The following DGKH variants were observed in gnomAD, a reference collection of about 807,000 sequenced individuals.
DGKH encodes the protein DAG kinase eta.
In DGKH, 90 loss-of-function variants were observed where a neutral mutation model predicts 159.3. The ratio of observed to expected loss-of-function variants is 0.57; its 90% CI spans 0.48 to 0.67. The LOEUF is 0.67. Among genes scored for constraint, DGKH ranks in the 30% least tolerant of loss-of-function variants. The pLI is 0.00. For synonymous variants in DGKH, 536 were observed against 553.8 expected (o/e 0.97, Z 0.45); for missense variants, 1,181 against 1,506.1 (o/e 0.78, Z 3.57).
chr13:42,040,313 C>A (rs925855098), intron 1 of DGKH, among the ~76,000 whole-genome samples: 3 of 152,108 alleles, frequency 2.0e-5, no homozygotes, highest in Admixed American at 2.0e-4. Flanking sequence ...AGCGCGGTGG[C>A]CAGCCTAGCC....
At chr13:42,072,235 C>T (rs955368811) in intron 1 of DGKH, among the ~76,000 whole-genome samples, 5 of 152,294 alleles carry the variant, frequency 3.3e-5, no homozygotes, top group Admixed American at 1.3e-4. Context: ...AGATCATGGA[C>T]TTTGTGTTTT....
intron 20 of DGKH, among the ~76,000 whole-genome samples, chr13:42,202,635 A>G (rs1481359032): frequency 6.6e-6 from 1 of 152,198 alleles, no homozygotes; most frequent in Non-Finnish European, 1.5e-5. Flanking sequence ...ACAAATGCAA[A>G]CTTTGTTTCC....
intron 7 of DGKH, among the ~76,000 whole-genome samples, chr13:42,164,020 A>T (rs529690434): frequency 6.6e-6 from 1 of 152,260 alleles, no homozygotes; most frequent in East Asian, 1.9e-4. Flanking sequence ...TCTTTAATCC[A>T]TCTTGAATTG....
intron 1 of DGKH, among the ~76,000 whole-genome samples, chr13:42,073,148 A>G (rs1004751332): frequency 3.9e-5 from 6 of 152,224 alleles, no homozygotes; most frequent in Non-Finnish European, 7.3e-5. Flanking sequence ...GATAATGTTC[A>G]TCCTTCTCTT....
intron 29 of DGKH, chr13:42,225,436 G>T (rs1037627446): frequency 4.5e-6 from 5 of 1,107,482 alleles, no homozygotes; most frequent in Middle Eastern, 2.3e-4. Context: ...AGCATGCTTT[G>T]TCAAAATTTG....
intron 29 of DGKH, among the ~76,000 whole-genome samples, chr13:42,222,534 T>G (rs763843899): frequency 1.3e-5 from 2 of 152,172 alleles, no homozygotes; most frequent in Admixed American, 6.5e-5. Flanking sequence ...TAGCAAAATA[T>G]GTAGTATTAG....
At chr13:42,096,238 T>A (rs1176682359) in intron 1 of DGKH, among the ~76,000 whole-genome samples, 1 of 151,852 alleles carries the variant, frequency 6.6e-6, no homozygotes, top group Non-Finnish European at 1.5e-5. Context: ...TTTTAACCCC[T>A]CCCCACCTGC....
At chr13:42,081,157 A>G (rs1473435434) in intron 1 of DGKH, among the ~76,000 whole-genome samples, 2 of 152,042 alleles carry the variant, frequency 1.3e-5, no homozygotes, top group African/African-American at 2.4e-5. Context: ...GAATTTTCCA[A>G]TTTTATCGTT....
At chr13:42,059,905 C>CTTTTT (rs11357293) in intron 1 of DGKH, among the ~76,000 whole-genome samples, 5 of 139,836 alleles carry the variant, frequency 3.6e-5, no homozygotes, top group Non-Finnish European at 6.1e-5. Context: ...TCTCTTTTTT[C>CTTTTT]TTTTTTTTTT....
At chr13:42,063,542 ACCCTTT>A (rs1882336684) in intron 1 of DGKH, among the ~76,000 whole-genome samples, 1 of 152,212 alleles carries the variant, frequency 6.6e-6, no homozygotes, top group Admixed American at 6.5e-5. Flanking sequence ...TCTAAAACAA[ACCCTTT>A]AAACGAGAGG....
At chr13:42,090,547 A>G (rs1322219296) in intron 1 of DGKH, among the ~76,000 whole-genome samples, 2 of 152,240 alleles carry the variant, frequency 1.3e-5, no homozygotes, top group Non-Finnish European at 2.9e-5. Flanking sequence ...AAAGACAGAC[A>G]TATAGACGAG....
At chr13:42,108,074 A>G (rs766560661) in intron 1 of DGKH, among the ~76,000 whole-genome samples, 15 of 152,278 alleles carry the variant, frequency 9.9e-5, no homozygotes, top group Non-Finnish European at 1.3e-4. Context: ...GCCAAACTTC[A>G]AGAGGAATCA....
intron 1 of DGKH, among the ~76,000 whole-genome samples, chr13:42,067,708 A>AT (rs1882678571): frequency 3.3e-5 from 5 of 151,630 alleles, no homozygotes; most frequent in African/African-American, 1.2e-4. Context: ...TTAATTAATT[A>AT]ATTTTTTTTT....
At chr13:42,163,644 G>T (rs1014819553) in intron 7 of DGKH, among the ~76,000 whole-genome samples, 14 of 152,076 alleles carry the variant, frequency 9.2e-5, no homozygotes, top group Admixed American at 6.5e-5. Flanking sequence ...GTGTCTTTTG[G>T]CTGCATAAAT....
At chr13:42,110,747 C>CCA (rs10659850) in intron 1 of DGKH, among the ~76,000 whole-genome samples, 66,328 of 152,014 alleles carry the variant, frequency 0.44, 14,736 homozygotes, top group Non-Finnish European at 0.47. Flanking sequence ...TAGCATAGCA[C>CCA]CACTGCCACC....
intron 1 of DGKH, among the ~76,000 whole-genome samples, chr13:42,062,861 T>G (rs1345917577): frequency 6.6e-6 from 1 of 152,224 alleles, no homozygotes; most frequent in African/African-American, 2.4e-5. Context: ...TGAAATACTT[T>G]CAAAGTGTAG....
intron 13 of DGKH, among the ~76,000 whole-genome samples, chr13:42,181,150 G>T (rs564373366): frequency 6.6e-6 from 1 of 151,862 alleles, no homozygotes; most frequent in East Asian, 1.9e-4. Context: ...GATGGTGGGC[G>T]CCTGTAGTCC....
chr13:42,236,685 GA>G lies in DGKH; in HGVS notation c.*7500del, dbSNP rs1958419008. The G allele has an allele frequency of 6.6e-6, 1 of 152,218 alleles. No individual in the cohort carries two copies. Among genetic ancestry groups the G allele is most frequent in the Non-Finnish European group, 1.5e-5 (1 of 68,074 alleles). 9.4% of individuals were successfully genotyped at this position (152,218 alleles called of 1,614,324 possible). On this transcript the variant is annotated 3_prime_UTR_variant, in exon 30 of 30. Coordinates refer to ENST00000337343, the MANE Select transcript of DGKH (RefSeq NM_178009.5). ...TCAGGCCTGTAATCCCAGCACTTTG[GA>G]AAGCCGAGGGAGGTAGATCACCTGA... is the stretch of plus-strand genomic sequence containing the variant.
chr13:42,058,940 A>T (rs1881947404), intron 1 of DGKH, among the ~76,000 whole-genome samples: 1 of 152,144 alleles, frequency 6.6e-6, no homozygotes, highest in South Asian at 2.1e-4. Context: ...GGGGAAATAG[A>T]GCTTTATTGT....
Sources: gnomAD v4.1 joint callset for allele counts (sites outside exome capture counted in the v4.1 genomes callset) on GRCh38, gnomAD v4.1.1 for gene constraint, MANE v1.5 for transcripts, NCBI Gene and HGNC (gene_info 2026-07-23, HGNC 2026-07-21) for gene names.